SORCS2: variants seen among roughly 807,000 people sequenced by gnomAD.
The protein encoded by SORCS2 is VPS10 domain-containing receptor SorCS2.
A neutral mutation model predicts 141.6 loss-of-function variants in SORCS2; 100 were observed. That is an observed-to-expected ratio of 0.71 (90% CI 0.60 to 0.83). The LOEUF (loss-of-function observed/expected upper bound fraction) is 0.83, where lower values mean the gene tolerates loss of function less well. Among genes scored for constraint, SORCS2 ranks in the 40% least tolerant of loss-of-function variants. SORCS2 has a pLI of 0.00. For synonymous variants in SORCS2, 789 were observed against 676.9 expected (o/e 1.17, Z -2.57); for missense variants, 1,646 against 1,560.2 (o/e 1.05, Z -0.93).
At chr4:7,728,829 C>T (rs1238976331) in intron 22 of SORCS2, among the ~76,000 whole-genome samples, 1 of 152,204 alleles carries the variant, frequency 6.6e-6, no homozygotes, top group East Asian at 1.9e-4. Flanking sequence ...GGGCTGGACA[C>T]AAGACAGAGA....
At chr4:7,586,321 T>C (rs1350991961) in intron 3 of SORCS2, among the ~76,000 whole-genome samples, 1 of 152,204 alleles carries the variant, frequency 6.6e-6, no homozygotes, top group African/African-American at 2.4e-5. Flanking sequence ...GACGATGTTT[T>C]TTCTTCAACA....
At chr4:7,242,076 C>T (rs868137849) in intron 1 of SORCS2, among the ~76,000 whole-genome samples, 17 of 152,280 alleles carry the variant, frequency 1.1e-4, no homozygotes, top group Middle Eastern at 3.4e-3. Context: ...CTTCAGGACC[C>T]TCAGACCCAC....
At chr4:7,536,838 G>GC (rs1712168683) in intron 3 of SORCS2, among the ~76,000 whole-genome samples, 1 of 41,058 alleles carries the variant, frequency 2.4e-5, no homozygotes, top group African/African-American at 3.7e-5. Context: ...GATGTGGGGG[G>GC]GGGGGGCGGG....
intron 2 of SORCS2, chr4:7,434,278 T>A: frequency 6.2e-7 from 1 of 1,613,140 alleles, no homozygotes; most frequent in Non-Finnish European, 8.5e-7. Context: ...CAAGGTCAAG[T>A]TGGACCGGAC....
intron 4 of SORCS2, among the ~76,000 whole-genome samples, chr4:7,640,277 GGTGT>G (rs961426771): frequency 7.0e-6 from 1 of 142,726 alleles, no homozygotes; most frequent in Non-Finnish European, 1.5e-5. Context: ...AGCATGTGTG[GGTGT>G]GTGTGAGCAT....
chr4:7,697,076 G>A (rs1028582319), intron 11 of SORCS2, 122 bp from the exon 12 acceptor site: 1 of 756,912 alleles, frequency 1.3e-6, no homozygotes, highest in East Asian at 2.7e-5. Flanking sequence ...GCAGGTCTGT[G>A]GGGGATATGG....
chr4:7,383,166 A>G (rs1292258052), intron 1 of SORCS2, among the ~76,000 whole-genome samples: 1 of 152,058 alleles, frequency 6.6e-6, no homozygotes, highest in Non-Finnish European at 1.5e-5. Flanking sequence ...TCTTGAGAAG[A>G]TAATTTGGTA....
chr4:7,524,116 C>CA lies in SORCS2; in HGVS notation c.549-7410dup, dbSNP rs1163098393. ...ATAGAGAGGTGAATAGAGTCGCCCCCAAAATCTCTGTCCACCAGGAACCTC... is the reference window on the plus strand; with the variant it reads ...ATAGAGAGGTGAATAGAGTCGCCCCCAAAAATCTCTGTCCACCAGGAACCTC... On this transcript the variant is annotated intron_variant, in intron 2 of 26. Transcript: ENST00000507866. Among the ~76,000 whole-genome samples, 3 of 152,334 alleles carry CA rather than the reference C, an allele frequency of 2.0e-5. No homozygotes were observed. The East Asian group carries it at 5.8e-4, about 29-fold the overall frequency.
At chr4:7,399,904 A>G (rs1724463768) in intron 2 of SORCS2, among the ~76,000 whole-genome samples, 1 of 152,128 alleles carries the variant, frequency 6.6e-6, no homozygotes, top group African/African-American at 2.4e-5. Context: ...CTCAGACTCC[A>G]CGGGCACTCG....
chr4:7,369,609 T>C (rs1722122315), intron 1 of SORCS2, among the ~76,000 whole-genome samples: 2 of 152,174 alleles, frequency 1.3e-5, no homozygotes, highest in South Asian at 4.1e-4. Flanking sequence ...TTTGGAGTGC[T>C]CAGTCTGGGA....
chr4:7,624,994 G>C (rs1246892331), intron 3 of SORCS2, among the ~76,000 whole-genome samples: 2 of 152,184 alleles, frequency 1.3e-5, no homozygotes, highest in African/African-American at 4.8e-5. Flanking sequence ...TCGATGATGA[G>C]TTATTTTATA....
chr4:7,317,797 G>A (rs922244134), intron 1 of SORCS2, among the ~76,000 whole-genome samples: 10 of 152,170 alleles, frequency 6.6e-5, no homozygotes, highest in African/African-American at 1.9e-4. Context: ...AGGGGCTTCC[G>A]ACAGTCACAG....
intron 10 of SORCS2, among the ~76,000 whole-genome samples, chr4:7,688,991 A>T (rs969915167): frequency 2.0e-5 from 3 of 152,208 alleles, no homozygotes; most frequent in African/African-American, 7.2e-5. Context: ...TACTGTGGTC[A>T]CATAAGAGGC....
chr4:7,680,029 C>T (rs906064129), intron 9 of SORCS2, among the ~76,000 whole-genome samples: 2 of 152,242 alleles, frequency 1.3e-5, no homozygotes, highest in African/African-American at 4.8e-5. Context: ...GCACCAAGCA[C>T]TAGACAGGGC....
intron 1 of SORCS2, among the ~76,000 whole-genome samples, chr4:7,285,269 G>A (rs1716139419): frequency 6.6e-6 from 1 of 152,008 alleles, no homozygotes; most frequent in Non-Finnish European, 1.5e-5. Flanking sequence ...CTGACCTCTG[G>A]TGATCCACCC....
In SORCS2 at chr4:7,740,681, C is replaced by G. The variant is rs755170106; in HGVS notation, c.*417C>G. ...TTGCGGGCTCCTTCCCCGCAGAGGC[C>G]GGGGCCTCCCTGACTTTGCTTCTTC... On this transcript the variant is annotated 3_prime_UTR_variant, in exon 27 of 27. Coordinates refer to ENST00000507866, the MANE Select transcript of SORCS2 (RefSeq NM_020777.3). 5 of 278,836 alleles carry G rather than the reference C, an allele frequency of 1.8e-5. No homozygotes were observed. The allele number at this position is 278,836 out of a possible 1,614,324, so 17.3% of individuals were successfully genotyped here.
At chr4:7,214,566 C>T (rs746233178) in intron 1 of SORCS2, among the ~76,000 whole-genome samples, 2 of 152,250 alleles carry the variant, frequency 1.3e-5, no homozygotes, top group Non-Finnish European at 2.9e-5. Flanking sequence ...CAAAATTCCA[C>T]ATGGCACTGA....
At position 7,312,080 on chromosome 4, in the gene SORCS2, T is replaced by C. The variant is rs562454251; in HGVS notation, c.481-84208T>C. The stretch of plus-strand genomic sequence containing the variant: ...TTAGTAGAGATGGAGTTTCACCATG[T>C]TGGCCAGGATGGTCTCTATATCTTG... On this transcript the variant is annotated intron_variant, in intron 1 of 26. Coordinates refer to ENST00000507866, the MANE Select transcript of SORCS2 (RefSeq NM_020777.3). Among the ~76,000 whole-genome samples, 225 of 152,286 alleles carry C rather than the reference T, an allele frequency of 1.5e-3. 1 individual carries two copies. Among genetic ancestry groups the C allele is most frequent in the African/African-American group, 5.0e-3 (207 of 41,550 alleles).
At chr4:7,639,096 G>C (rs1447538679) in intron 4 of SORCS2, among the ~76,000 whole-genome samples, 6 of 152,152 alleles carry the variant, frequency 3.9e-5, no homozygotes, top group Non-Finnish European at 7.4e-5. Flanking sequence ...AGGCTGTGGA[G>C]GGAGAGGGCC....
Sources: allele counts gnomAD v4.1 joint callset (sites outside exome capture counted in the v4.1 genomes callset), GRCh38; gene constraint gnomAD v4.1.1; transcripts MANE v1.5; gene names NCBI Gene and HGNC (gene_info 2026-07-23, HGNC 2026-07-21).